The following SKP2 variants were observed in gnomAD, a reference collection of about 807,000 sequenced individuals.
The protein encoded by SKP2 is S-phase kinase-associated protein 2.
A neutral mutation model predicts 51.8 loss-of-function variants in SKP2; 16 were observed. That is an observed-to-expected ratio of 0.31 (90% CI 0.21 to 0.47). The LOEUF (loss-of-function observed/expected upper bound fraction) is 0.47, where lower values mean the gene tolerates loss of function less well. Among genes scored for constraint, SKP2 ranks in the 20% least tolerant of loss-of-function variants. The probability of loss-of-function intolerance (pLI) is 1.00; values close to 1 mark genes in which losing one functional copy is unlikely to be tolerated. For missense variants in SKP2, 377 were observed against 505.3 expected (o/e 0.75, Z 2.43); for synonymous variants, 176 against 198.6 (o/e 0.89, Z 0.96).
rs111786029 is a variant in SKP2, at chr5:36,182,207, C to A, written c.*176C>A. On this transcript the variant is annotated 3_prime_UTR_variant, in exon 10 of 10. Transcript: ENST00000274255. ...TGAAATCTTGCTTTTTGAAATGATT[C>A]TAAAAGCTTCTATCACTGCTTTGCT... 1.5e-4 allele frequency: 212 copies of A among 1,409,652 alleles called. No homozygotes were observed. In the African/African-American group the frequency reaches 2.6e-3, roughly 18 times the overall value. The allele number at this position is 1,409,652 out of a possible 1,614,324, so 87.3% of individuals were successfully genotyped here.
At chr5:36,166,344 T>C (rs1296966842) in intron 3 of SKP2, among the ~76,000 whole-genome samples, 175 bp from the exon 4 acceptor site, 1 of 152,256 alleles carries the variant, frequency 6.6e-6, no homozygotes, top group Non-Finnish European at 1.5e-5. Flanking sequence ...AGAAAAATTC[T>C]CTAGTGCCTT....
chr5:36,187,360 C>G (rs1307721998), downstream of SKP2, among the ~76,000 whole-genome samples: 3 of 152,158 alleles, frequency 2.0e-5, no homozygotes, highest in African/African-American at 7.2e-5. Context: ...CCTGCTTTCT[C>G]TTGTGGGCAT....
intron 9 of SKP2, among the ~76,000 whole-genome samples, chr5:36,178,911 C>T (rs1372548997): frequency 1.3e-5 from 2 of 152,008 alleles, no homozygotes; most frequent in African/African-American, 2.4e-5. Context: ...ATAGTAATTG[C>T]GATACCTGCA....
In SKP2 at chr5:36,181,549, T is replaced by C. The variant is rs947788957; in HGVS notation, c.1062-269T>C. On this transcript the variant is annotated intron_variant, in intron 9 of 9. Coordinates refer to ENST00000274255, the MANE Select transcript of SKP2 (RefSeq NM_005983.4). The stretch of plus-strand genomic sequence containing the variant: ...AACTGGAGAAAGGAAGCAAATATGG[T>C]TGGATTCTTAAATAAATCTGAGTTT... Among the ~76,000 whole-genome samples the C allele has an allele frequency of 4.1e-4, 63 of 152,194 alleles. 1 individual carries two copies. Among genetic ancestry groups the C allele is most frequent in the Admixed American group, 4.1e-3 (63 of 15,276 alleles).
chr5:36,175,375 T>G (rs1371189915), intron 7 of SKP2, among the ~76,000 whole-genome samples: 1 of 152,068 alleles, frequency 6.6e-6, no homozygotes, highest in Non-Finnish European at 1.5e-5. Flanking sequence ...CCAAACGGTA[T>G]GTTGAGGAGG....
intron 9 of SKP2, chr5:36,180,055 C>A (rs1017181412): frequency 2.8e-6 from 1 of 361,280 alleles, no homozygotes; most frequent in Non-Finnish European, 5.5e-6. Flanking sequence ...TTCTTAATTT[C>A]TTTCCTCACC....
chr5:36,172,030 A>G (rs907397650), intron 7 of SKP2, among the ~76,000 whole-genome samples: 7 of 152,236 alleles, frequency 4.6e-5, no homozygotes, highest in African/African-American at 1.7e-4. Flanking sequence ...AAACCCCAAC[A>G]TAAAAATACA....
intron 7 of SKP2, among the ~76,000 whole-genome samples, chr5:36,173,669 A>C (rs907860743): frequency 2.0e-5 from 3 of 152,152 alleles, no homozygotes; most frequent in Non-Finnish European, 4.4e-5. Flanking sequence ...GAGCCTGTTT[A>C]CCGAGTTTTG....
intron 9 of SKP2, among the ~76,000 whole-genome samples, chr5:36,179,409 T>C (rs963449532): frequency 1.3e-5 from 2 of 152,178 alleles, no homozygotes; most frequent in African/African-American, 2.4e-5. Context: ...TTTGAATGTC[T>C]TTCTTCTGTA....
chr5:36,152,297 G>T lies in SKP2; in HGVS notation c.8+27G>T, dbSNP rs771776180. On this transcript the variant is annotated intron_variant, in intron 1 of 9. Coordinates refer to ENST00000274255, the MANE Select transcript of SKP2 (RefSeq NM_005983.4). ...TAAACGGATTGCAAAAAGGGGAAGAGCATGAAATGGACCCTCTTAATAATT... is the reference window on the plus strand; with the variant it reads ...TAAACGGATTGCAAAAAGGGGAAGATCATGAAATGGACCCTCTTAATAATT... 5 of 1,606,660 alleles carry T rather than the reference G, an allele frequency of 3.1e-6. No individual in the cohort carries two copies. The East Asian group carries it at 8.9e-5, about 29-fold the overall frequency.
intron 2 of SKP2, among the ~76,000 whole-genome samples, chr5:36,157,090 T>C (rs904080423): frequency 1.3e-5 from 2 of 152,190 alleles, no homozygotes; most frequent in African/African-American, 2.4e-5. Flanking sequence ...ACTAAATTGA[T>C]TTCATGATCT....
chr5:36,152,505 T>C (rs1018744957), intron 1 of SKP2, among the ~76,000 whole-genome samples: 2 of 152,184 alleles, frequency 1.3e-5, no homozygotes, highest in African/African-American at 4.8e-5. Flanking sequence ...CAGTGTATGA[T>C]TGCCCTGTCT....
downstream of SKP2, among the ~76,000 whole-genome samples, chr5:36,187,320 G>A (rs1429749841): frequency 6.6e-6 from 1 of 152,100 alleles, no homozygotes; most frequent in Admixed American, 6.5e-5. Context: ...TCTTTCAATT[G>A]TGATGTTAGG....
rs1314279178 is a variant in SKP2 at position 36,190,684 on chromosome 5, A to C, written c.633-1937A>C. 1.7e-4 allele frequency among the ~76,000 whole-genome samples: 4 copies of C among 23,936 alleles called. No homozygotes were observed. In the East Asian group the frequency reaches 2.1e-3, roughly 12 times the overall value. 15.7% of individuals were successfully genotyped at this position (23,936 alleles called of 152,430 possible). A position where few individuals can be genotyped will look rare whatever the true frequency, so the allele number is the denominator to read the frequency against. On this transcript the variant is annotated intron_variant, in intron 6 of 7. Coordinates refer to the SKP2 transcript ENST00000677886. ...ATGATGAAAAACGTCAAACATATGC[A>C]AAAAAAAAAAAAAAAAAAAAAAGAA...
chr5:36,156,924 CT>C (rs561524146), intron 2 of SKP2, among the ~76,000 whole-genome samples: 28 of 147,756 alleles, frequency 1.9e-4, no homozygotes, highest in African/African-American at 2.7e-4. Context: ...TTTTTTCCAA[CT>C]TTTTTTTTTT....
intron 6 of SKP2, among the ~76,000 whole-genome samples, chr5:36,191,996 A>G (rs1174456142): frequency 1.3e-5 from 2 of 152,228 alleles, no homozygotes; most frequent in African/African-American, 4.8e-5. Context: ...TTCTCTAAAT[A>G]CCAGAATATC....
chr5:36,180,838 A>G (rs900381060), intron 9 of SKP2, among the ~76,000 whole-genome samples: 1 of 152,240 alleles, frequency 6.6e-6, no homozygotes, highest in African/African-American at 2.4e-5. Flanking sequence ...GACTTTAGGT[A>G]ATTGATGTGC....
chr5:36,181,055 AGAAACAGAATTTGT>A (rs748595129), intron 9 of SKP2, among the ~76,000 whole-genome samples: 19 of 152,196 alleles, frequency 1.2e-4, no homozygotes, highest in Non-Finnish European at 1.9e-4. Flanking sequence ...ACAGAATTTG[AGAAACAGAATTTGT>A]GAAACAGAAT....
At position 36,183,682 on chromosome 5, in the gene SKP2, T is replaced by A. The variant is rs539536930; in HGVS notation, c.*1651T>A. 7.0e-4 allele frequency: 866 copies of A among 1,239,114 alleles called. 5 individuals carry two copies. The highest frequency in any genetic ancestry group is 4.1e-3 in the African/African-American group (264 of 64,038). The allele number at this position is 1,239,114 out of a possible 1,614,324, so 76.8% of individuals were successfully genotyped here. On this transcript the variant is annotated 3_prime_UTR_variant, in exon 10 of 10. Coordinates refer to ENST00000274255, the MANE Select transcript of SKP2 (RefSeq NM_005983.4). ...GTCATTTATATTAACTTTTTTTTTT[T>A]AAATCAAAAATTGTTAATGTTAGAA...
Sources: gnomAD v4.1 joint callset for allele counts (sites outside exome capture counted in the v4.1 genomes callset) on GRCh38, gnomAD v4.1.1 for gene constraint, MANE v1.5 for transcripts, NCBI Gene and HGNC (gene_info 2026-07-23, HGNC 2026-07-21) for gene names.